CHST12: variants seen among roughly 807,000 people sequenced by gnomAD.
The protein encoded by CHST12 is carbohydrate sulfotransferase 12.
CHST12 carries 23 observed loss-of-function variants against 27.9 expected under a neutral mutation model. That is an observed-to-expected ratio of 0.82 (90% CI 0.59 to 1.17). CHST12 has a LOEUF of 1.17. CHST12 is among the 50% of genes most tolerant of loss of function. CHST12 has a pLI of 0.00. For synonymous variants in CHST12, 322 were observed against 273.0 expected (o/e 1.18, Z -1.77); for missense variants, 682 against 603.0 (o/e 1.13, Z -1.37).
intron 1 of CHST12, among the ~76,000 whole-genome samples, chr7:2,407,801 G>A (rs1781561952): frequency 6.6e-6 from 1 of 152,076 alleles, no homozygotes; most frequent in Admixed American, 6.6e-5. Flanking sequence ...ATGGTGGTGG[G>A]TGCCTGTAAT....
chr7:2,407,035 T>A (rs777492659), intron 1 of CHST12, among the ~76,000 whole-genome samples: 9 of 148,916 alleles, frequency 6.0e-5, no homozygotes, highest in African/African-American at 2.0e-4. Context: ...AACTCTCGGA[T>A]GTAAAAAAAA....
chr7:2,447,952 C>T lies in CHST12; in HGVS notation c.*14068C>T, dbSNP rs1039607503. The T allele has an allele frequency of 6.6e-6, 1 of 152,104 alleles. No individual in the cohort carries two copies. The highest frequency in any genetic ancestry group is 1.5e-5 in the Non-Finnish European group (1 of 68,038). The allele number at this position is 152,104 out of a possible 1,614,324, so 9.4% of individuals were successfully genotyped here. Reference sequence around the variant, plus strand: ...AGTGGTGCGACCTCAGCTCTCAGCTCCCTGCACCGTCCACCTCCTGGGTTC... The same window carrying T: ...AGTGGTGCGACCTCAGCTCTCAGCTTCCTGCACCGTCCACCTCCTGGGTTC... On this transcript the variant is annotated 3_prime_UTR_variant, in exon 2 of 2. Transcript: ENST00000618655.
chr7:2,442,660 G>A lies in CHST12; in HGVS notation c.*8776G>A, dbSNP rs117546185. The A allele has an allele frequency of 6.1e-3, 925 of 152,408 alleles. 7 individuals carry two copies. Among genetic ancestry groups the A allele is most frequent in the Non-Finnish European group, 0.011 (764 of 68,152 alleles). The allele number at this position is 152,408 out of a possible 1,614,324, so 9.4% of individuals were successfully genotyped here. On this transcript the variant is annotated 3_prime_UTR_variant, in exon 2 of 2. Transcript: ENST00000618655. ...TTACAGGCATGAGACACCACGCCCC[G>A]CCGAGTCCCTGCTTTTAATTCTTTG...
rs1583233556 is a variant in CHST12 at position 2,441,124 on chromosome 7, C to T, written c.*7240C>T. On this transcript the variant is annotated 3_prime_UTR_variant, in exon 2 of 2. Coordinates refer to ENST00000618655, the MANE Select transcript of CHST12 (RefSeq NM_018641.5). The stretch of plus-strand genomic sequence containing the variant: ...GCGGCTGGGCTTGACTCGAGAATTC[C>T]CACAGGGCCCGAGGGAAGAGCAGAG... 1 of 152,350 alleles carries T rather than the reference C, an allele frequency of 6.6e-6. No homozygotes were observed. The highest frequency in any genetic ancestry group is 1.5e-5 in the Non-Finnish European group (1 of 68,234). The allele number at this position is 152,350 out of a possible 1,614,324, so 9.4% of individuals were successfully genotyped here.
intron 1 of CHST12, among the ~76,000 whole-genome samples, chr7:2,413,792 G>C (rs1004749808): frequency 2.8e-5 from 4 of 143,816 alleles, no homozygotes; most frequent in Non-Finnish European, 6.0e-5. Context: ...GCAGTGGCGT[G>C]ATCTTGGCTC....
intron 1 of CHST12, among the ~76,000 whole-genome samples, chr7:2,430,633 C>T (rs1264510172): frequency 6.6e-6 from 1 of 151,350 alleles, no homozygotes; most frequent in East Asian, 1.9e-4. Context: ...TTTGTATTTT[C>T]AGTAGAGACA....
chr7:2,433,601 A>C lies in CHST12; in HGVS notation c.962A>C (p.His321Pro). The change falls in exon 2 of 2, where the codon CAC becomes CCC. Residue 321 changes from histidine (H) to proline (P), a missense_variant. By Grantham distance (77) the His-to-Pro change is moderately conservative. Coordinates refer to ENST00000618655, the MANE Select transcript of CHST12 (RefSeq NM_018641.5). The surrounding 1 kb of genome is among the most constrained non-coding windows in gnomAD (Gnocchi z 6.1). Reference protein sequence around the residue: ...HTEKLAPFNEHWRQVYRLCHP... With the variant: ...HTEKLAPFNEPWRQVYRLCHP... ...GAGAAGCTGGCGCCCTTCAACGAGC[A>C]CTGGCGGCAGGTGTACCGCCTCTGC... 6.2e-7 allele frequency: 1 copy of C among 1,613,494 alleles called. No homozygotes were observed. The highest frequency in any genetic ancestry group is 8.5e-7 in the Non-Finnish European group (1 of 1,180,000).
chr7:2,410,025 C>G (rs937816467), intron 1 of CHST12, among the ~76,000 whole-genome samples: 1 of 151,120 alleles, frequency 6.6e-6, no homozygotes, highest in Non-Finnish European at 1.5e-5. Flanking sequence ...TCATTGCAGC[C>G]TCTGTTTCCT....
In CHST12 at chr7:2,444,381, G is replaced by A. The variant is rs138549586; in HGVS notation, c.*10497G>A. 5.3e-3 allele frequency: 805 copies of A among 152,176 alleles called. 4 individuals carry two copies. Among genetic ancestry groups the A allele is most frequent in the Non-Finnish European group, 8.9e-3 (606 of 68,152 alleles). 9.4% of individuals were successfully genotyped at this position (152,176 alleles called of 1,614,324 possible). Reference sequence around the variant, plus strand: ...CTGAGGAGGCTGAGGCATGAGATTCGCTTGAGCCTGGGAGGCAGAGGTTGC... The same window carrying A: ...CTGAGGAGGCTGAGGCATGAGATTCACTTGAGCCTGGGAGGCAGAGGTTGC... On this transcript the variant is annotated 3_prime_UTR_variant, in exon 2 of 2. Coordinates refer to ENST00000618655, the MANE Select transcript of CHST12 (RefSeq NM_018641.5).
chr7:2,418,883 AC>A (rs1781883982), intron 1 of CHST12, among the ~76,000 whole-genome samples: 3 of 151,810 alleles, frequency 2.0e-5, no homozygotes, highest in African/African-American at 7.3e-5. Context: ...TGCAGCCTTG[AC>A]CTCCTGGGTT....
chr7:2,429,555 G>C (rs373751105), intron 1 of CHST12, among the ~76,000 whole-genome samples: 1 of 152,046 alleles, frequency 6.6e-6, no homozygotes, highest in African/African-American at 2.4e-5. Flanking sequence ...GAGCTTTTAC[G>C]TTACAAATTT....
At chr7:2,404,899 C>A (rs990864525) in intron 1 of CHST12, among the ~76,000 whole-genome samples, 2 of 152,182 alleles carry the variant, frequency 1.3e-5, no homozygotes, top group African/African-American at 2.4e-5. Context: ...GGGTAGATGC[C>A]GGTAATAGCG....
At chr7:2,431,780 G>C (rs949585813) in intron 1 of CHST12, among the ~76,000 whole-genome samples, 1 of 152,182 alleles carries the variant, frequency 6.6e-6, no homozygotes, top group African/African-American at 2.4e-5. Flanking sequence ...AAGCTGTAGG[G>C]TGCAGTTTTT....
Position 2,433,782 on chromosome 7 carries a change from C to T in CHST12, c.1143C>T (p.Phe381=). Residue 381 remains phenylalanine, a synonymous_variant, in exon 2 of 2, where the codon TTC becomes TTT. Transcript: ENST00000618655. The surrounding 1 kb of genome is among the most constrained non-coding windows in gnomAD (Gnocchi z 6.1). Reference sequence around the variant, plus strand: ...CCAGCAGCTGGGAGGAGGACTGGTTCGCCAAGATCCCCCTGGCCTGGAGGC... The same window carrying T: ...CCAGCAGCTGGGAGGAGGACTGGTTTGCCAAGATCCCCCTGGCCTGGAGGC... ...RTASSWEEDW[F]AKIPLAWRQQ... is the part of the protein sequence containing the mutation. 5.0e-6 allele frequency: 8 copies of T among 1,614,106 alleles called. No individual in the cohort carries two copies. The highest frequency in any genetic ancestry group is 1.1e-5 in the South Asian group (1 of 91,080).
In CHST12 at chr7:2,444,001, T is replaced by G. The variant is rs1261727414; in HGVS notation, c.*10117T>G. The G allele has an allele frequency of 6.9e-6, 1 of 144,594 alleles. No individual in the cohort carries two copies. The highest frequency in any genetic ancestry group is 2.6e-5 in the African/African-American group (1 of 38,146). 9.0% of individuals were successfully genotyped at this position (144,594 alleles called of 1,614,324 possible). ...CCGTCTCTATTAAAAATACAAAAATTAGGCCGGGCGCGGTGGCTCACGCCT... is the reference window on the plus strand; with the variant it reads ...CCGTCTCTATTAAAAATACAAAAATGAGGCCGGGCGCGGTGGCTCACGCCT... On this transcript the variant is annotated 3_prime_UTR_variant, in exon 2 of 2. Transcript: ENST00000618655.
chr7:2,433,758 C>T lies in CHST12; in HGVS notation c.1119C>T (p.Ala373=), dbSNP rs1470732426. The change falls in exon 2 of 2, where the codon GCC becomes GCT. Residue 373 remains alanine, a synonymous_variant. Transcript: ENST00000618655. The surrounding 1 kb of genome is among the most constrained non-coding windows in gnomAD (Gnocchi z 6.1). ...RFPPSYRNRT[A]SSWEEDWFAK... ...CCCCGAGCTACCGGAACAGGACCGC[C>T]AGCAGCTGGGAGGAGGACTGGTTCG... The T allele has an allele frequency of 1.9e-6, 3 of 1,614,036 alleles. No individual in the cohort carries two copies. The South Asian group carries it at 3.3e-5, about 18-fold the overall frequency.
chr7:2,432,219 C>G (rs999981375), intron 1 of CHST12, among the ~76,000 whole-genome samples: 1 of 141,834 alleles, frequency 7.1e-6, no homozygotes, highest in African/African-American at 2.6e-5. Flanking sequence ...TCCAGGAGGG[C>G]TCACACCTGG....
At chr7:2,405,359 A>G (rs1781495634) in intron 1 of CHST12, among the ~76,000 whole-genome samples, 1 of 152,088 alleles carries the variant, frequency 6.6e-6, no homozygotes, top group Admixed American at 6.6e-5. Context: ...TCAAGAGAAT[A>G]GCTTGAACCT....
In CHST12 at chr7:2,423,620, A is replaced by T. The variant is rs375769094; in HGVS notation, c.-77-8943A>T. On this transcript the variant is annotated intron_variant, in intron 1 of 1. Transcript: ENST00000618655. ...CTGGGTGCTGGGCTTCTCTGCCTCC[A>T]TCAGGCATGCTGAGCTCTGTGGGTC... Among the ~76,000 whole-genome samples, 11 of 152,288 alleles carry T rather than the reference A, an allele frequency of 7.2e-5. No individual in the cohort carries two copies. The East Asian group carries it at 1.2e-3, about 16-fold the overall frequency.
Sources: gnomAD v4.1 joint callset for allele counts (sites outside exome capture counted in the v4.1 genomes callset) on GRCh38, gnomAD v4.1.1 for gene constraint, Gnocchi (gnomAD v3.1) non-coding constraint, MANE v1.5 for transcripts, NCBI Gene and HGNC (gene_info 2026-07-23, HGNC 2026-07-21) for gene names.